PCDHA2: variants seen among roughly 807,000 people sequenced by gnomAD.
PCDHA2 encodes the protein protocadherin alpha 2, also known as protocadherin alpha-2.
A neutral mutation model predicts 66.0 loss-of-function variants in PCDHA2; 58 were observed. The observed-to-expected ratio is 0.88, with a 90% CI of 0.71 to 1.09. The LOEUF is 1.09. Among genes scored for constraint, PCDHA2 ranks in the 50% least tolerant of loss-of-function variants. The probability of loss-of-function intolerance (pLI) is 0.00; values close to 1 mark genes in which losing one functional copy is unlikely to be tolerated. For missense variants in PCDHA2, 1,267 were observed against 1,242.3 expected (o/e 1.02, Z -0.30); for synonymous variants, 634 against 554.0 (o/e 1.14, Z -2.03).
intron 1 of PCDHA2, among the ~76,000 whole-genome samples, chr5:140,974,807 A>T (rs2096641510): frequency 6.6e-6 from 1 of 152,202 alleles, no homozygotes; most frequent in Admixed American, 6.5e-5. Context: ...ATATACTAGA[A>T]GACCAATATG....
At chr5:140,954,135 T>C (rs1281133424) in intron 1 of PCDHA2, among the ~76,000 whole-genome samples, 1 of 152,220 alleles carries the variant, frequency 6.6e-6, no homozygotes, top group Non-Finnish European at 1.5e-5. Context: ...TATGGATGCA[T>C]AGTATTCCAT....
At chr5:140,924,550 C>T (rs2081897316) in intron 1 of PCDHA2, among the ~76,000 whole-genome samples, 1 of 152,096 alleles carries the variant, frequency 6.6e-6, no homozygotes, top group Non-Finnish European at 1.5e-5. Context: ...CTCTCCCCAC[C>T]ATTTTAATCA....
intron 1 of PCDHA2, chr5:140,877,494 G>A: frequency 6.2e-7 from 1 of 1,613,890 alleles, no homozygotes; most frequent in Non-Finnish European, 8.5e-7. Context: ...AGAACGGCCA[G>A]GCCCCAAAGA....
chr5:140,988,739 G>A (rs2097310931), intron 3 of PCDHA2, among the ~76,000 whole-genome samples: 1 of 152,096 alleles, frequency 6.6e-6, no homozygotes, highest in Non-Finnish European at 1.5e-5. Flanking sequence ...AATTATTCTA[G>A]GATTGGTGGC....
At chr5:141,007,379 C>T (rs1178671835) in intron 3 of PCDHA2, among the ~76,000 whole-genome samples, 1 of 139,926 alleles carries the variant, frequency 7.1e-6, no homozygotes, top group Non-Finnish European at 1.5e-5. Context: ...GATGGAACAC[C>T]ATCTCTACTA....
chr5:140,968,371 C>T (rs1554230646), intron 1 of PCDHA2: 3 of 1,614,088 alleles, frequency 1.9e-6, no homozygotes, highest in Non-Finnish European at 2.5e-6. Context: ...ATGCTGTCAA[C>T]TCCTTTGACT....
intron 1 of PCDHA2, chr5:140,830,370 C>G: frequency 2.5e-6 from 4 of 1,614,132 alleles, no homozygotes; most frequent in Non-Finnish European, 3.4e-6. Context: ...AGGGTGTGCT[C>G]CGGGGAGGGC....
At chr5:140,973,007 G>T (rs2096567856) in intron 1 of PCDHA2, among the ~76,000 whole-genome samples, 1 of 152,160 alleles carries the variant, frequency 6.6e-6, no homozygotes, top group Non-Finnish European at 1.5e-5. Context: ...TGTGGTCGTG[G>T]TGTTGTGATT....
intron 1 of PCDHA2, chr5:140,823,108 G>C (rs138806648): frequency 6.2e-7 from 1 of 1,613,958 alleles, no homozygotes; most frequent in African/African-American, 1.3e-5. Context: ...TGTGGAAGTG[G>C]CCGACGTGAA....
At chr5:140,870,073 A>G in intron 1 of PCDHA2, 1 of 1,613,872 alleles carries the variant, frequency 6.2e-7, no homozygotes. Flanking sequence ...GGCTACAGAT[A>G]AGGGGACTCC....
intron 1 of PCDHA2, chr5:140,881,315 A>G: frequency 1.0e-6 from 1 of 981,768 alleles, no homozygotes; most frequent in Non-Finnish European, 1.2e-6. Flanking sequence ...TCCTGGTTAA[A>G]TTCTATTTAA....
intron 1 of PCDHA2, chr5:140,821,648 A>AT: frequency 9.2e-7 from 1 of 1,086,806 alleles, no homozygotes; most frequent in East Asian, 2.6e-5. Context: ...AGAACCTTCC[A>AT]TTTTTGGCTG....
chr5:140,808,183 C>A (rs782261316), intron 1 of PCDHA2: 1 of 1,614,172 alleles, frequency 6.2e-7, no homozygotes, highest in Non-Finnish European at 8.5e-7. Context: ...CACTTTCTGG[C>A]CATTGTAGAG....
intron 3 of PCDHA2, among the ~76,000 whole-genome samples, chr5:140,987,196 AGAGT>A (rs2097234784): frequency 6.6e-6 from 1 of 151,568 alleles, no homozygotes; most frequent in Non-Finnish European, 1.5e-5. Flanking sequence ...CCTGGGTGAC[AGAGT>A]GAGACTCCAT....
At chr5:140,979,243 C>T (rs1554240401) in intron 2 of PCDHA2, among the ~76,000 whole-genome samples, 1 of 152,178 alleles carries the variant, frequency 6.6e-6, no homozygotes, top group Non-Finnish European at 1.5e-5. Context: ...CAGAAACAGG[C>T]TGCTATGTAT....
intron 1 of PCDHA2, chr5:140,824,262 T>G: frequency 7.6e-7 from 1 of 1,308,960 alleles, no homozygotes; most frequent in Non-Finnish European, 1.1e-6. Context: ...ATTGCACTAA[T>G]TCATGTATTA....
chr5:140,886,087 A>G (rs944362157), intron 1 of PCDHA2, among the ~76,000 whole-genome samples: 2 of 152,324 alleles, frequency 1.3e-5, no homozygotes, highest in Admixed American at 6.5e-5. Flanking sequence ...CAACCTGGAT[A>G]TTGACATTGA....
At chr5:140,880,958 G>T (rs1208694420) in intron 1 of PCDHA2, among the ~76,000 whole-genome samples, 1 of 152,010 alleles carries the variant, frequency 6.6e-6, no homozygotes, top group African/African-American at 2.4e-5. Flanking sequence ...GGATGATGAG[G>T]GTAAGAGAAT....
chr5:140,911,485 A>G (rs1387982810), intron 1 of PCDHA2, among the ~76,000 whole-genome samples: 1 of 152,152 alleles, frequency 6.6e-6, no homozygotes, highest in East Asian at 1.9e-4. Context: ...ACTCAGGGCA[A>G]TCTTAGCAGG....
Sources: gnomAD v4.1 joint callset for allele counts (sites outside exome capture counted in the v4.1 genomes callset) on GRCh38, gnomAD v4.1.1 for gene constraint, MANE v1.5 for transcripts, NCBI Gene and HGNC (gene_info 2026-07-23, HGNC 2026-07-21) for gene names.